GSAP: variants seen among roughly 807,000 people sequenced by gnomAD.
The protein encoded by GSAP is gamma-secretase-activating protein.
A neutral mutation model predicts 131.7 loss-of-function variants in GSAP; 118 were observed. That is an observed-to-expected ratio of 0.90 (90% confidence interval 0.77 to 1.04). The LOEUF (loss-of-function observed/expected upper bound fraction) is 1.04, where lower values mean the gene tolerates loss of function less well. Among genes scored for constraint, GSAP ranks in the 50% least tolerant of loss-of-function variants. The probability of loss-of-function intolerance (pLI) is 0.00; values close to 1 mark genes in which losing one functional copy is unlikely to be tolerated. For missense variants in GSAP, 1,019 were observed against 1,013.2 expected (o/e 1.01, Z -0.08); for synonymous variants, 381 against 363.4 (o/e 1.05, Z -0.55).
At chr7:77,366,616 C>A (rs1419466521) in intron 12 of GSAP, among the ~76,000 whole-genome samples, 1 of 152,192 alleles carries the variant, frequency 6.6e-6, no homozygotes, top group Admixed American at 6.5e-5. Flanking sequence ...CAGTACCATA[C>A]TGTTTTGGTT....
At chr7:77,378,730 T>G (rs565738696) in intron 8 of GSAP, among the ~76,000 whole-genome samples, 159 of 152,328 alleles carry the variant, frequency 1.0e-3, no homozygotes, top group African/African-American at 3.6e-3. Flanking sequence ...GGAATCCACG[T>G]CCTGGAATCC....
intron 14 of GSAP, among the ~76,000 whole-genome samples, chr7:77,357,391 CTGG>C (rs1308595656): frequency 1.3e-5 from 2 of 152,050 alleles, no homozygotes; most frequent in Non-Finnish European, 2.9e-5. Context: ...GGAGACTATC[CTGG>C]AATATCCAGG....
chr7:77,351,477 G>T, intron 18 of GSAP: 2 of 974,732 alleles, frequency 2.1e-6, no homozygotes, highest in Non-Finnish European at 2.4e-6. Flanking sequence ...TTGCATCACA[G>T]CTAATGATAA....
At chr7:77,367,941 T>C (rs1011354853) in intron 12 of GSAP, among the ~76,000 whole-genome samples, 3 of 152,222 alleles carry the variant, frequency 2.0e-5, no homozygotes, top group Non-Finnish European at 4.4e-5. Context: ...AGGCTGTTTG[T>C]GTCCAGGAAT....
chr7:77,373,355 C>G (rs1281233036), intron 12 of GSAP, among the ~76,000 whole-genome samples: 1 of 152,122 alleles, frequency 6.6e-6, no homozygotes, highest in African/African-American at 2.4e-5. Flanking sequence ...GGGTGAATAT[C>G]CCACAATAAT....
At chr7:77,394,756 C>A (rs1418482310) in intron 5 of GSAP, among the ~76,000 whole-genome samples, 1 of 152,176 alleles carries the variant, frequency 6.6e-6, no homozygotes, top group Admixed American at 6.5e-5. Context: ...AGCTCCTTGC[C>A]ACCATTGGTC....
intron 18 of GSAP, among the ~76,000 whole-genome samples, chr7:77,350,694 G>C (rs990700424): frequency 6.6e-6 from 1 of 152,028 alleles, no homozygotes; most frequent in African/African-American, 2.4e-5. Flanking sequence ...AGTGAGCTGA[G>C]ACTGCACCAT....
At chr7:77,346,128 G>A (rs1373457881) in intron 19 of GSAP, among the ~76,000 whole-genome samples, 2 of 151,364 alleles carry the variant, frequency 1.3e-5, no homozygotes, top group East Asian at 1.9e-4. Context: ...AAATTATCCG[G>A]GCATAGTGGT....
At chr7:77,393,650 CAT>C (rs1402047496) in intron 5 of GSAP, among the ~76,000 whole-genome samples, 1 of 150,416 alleles carries the variant, frequency 6.6e-6, no homozygotes. Flanking sequence ...GGCATGCATG[CAT>C]ATATATATAC....
At chr7:77,318,020 A>G (rs1787095342) in intron 26 of GSAP, among the ~76,000 whole-genome samples, 1 of 152,232 alleles carries the variant, frequency 6.6e-6, no homozygotes, top group Non-Finnish European at 1.5e-5. Flanking sequence ...CAGATGTGTC[A>G]TAAATGCAGA....
At chr7:77,335,540 G>A (rs1363780526) in intron 19 of GSAP, among the ~76,000 whole-genome samples, 1 of 152,002 alleles carries the variant, frequency 6.6e-6, no homozygotes, top group Non-Finnish European at 1.5e-5. Flanking sequence ...GCCAAACACA[G>A]CCCATCACAA....
upstream of GSAP, chr7:77,416,465 C>G: frequency 4.3e-6 from 2 of 470,164 alleles, no homozygotes; most frequent in Non-Finnish European, 7.4e-6. Context: ...CTGCAGCGCC[C>G]TGGCCTGAGA....
At position 77,381,252 on chromosome 7, in the gene GSAP, TTC is replaced by T; in HGVS notation, c.576+51_576+52del. 3.1e-6 allele frequency: 3 copies of T among 953,544 alleles called. No homozygotes were observed. In the South Asian group the frequency reaches 4.7e-5, roughly 15 times the overall value. The allele number at this position is 953,544 out of a possible 1,614,324, so 59.1% of individuals were successfully genotyped here. A position where few individuals can be genotyped will look rare whatever the true frequency, so the allele number is the denominator to read the frequency against. The stretch of plus-strand genomic sequence containing the variant: ...TATCTTTAGCAGTCTAGTAATGTAC[TTC>T]TTTGTGGGGAAAAAAAAACCTATGA... On this transcript the variant is annotated intron_variant, in intron 8 of 30. Coordinates refer to ENST00000257626, the MANE Select transcript of GSAP (RefSeq NM_017439.4).
At chr7:77,351,249 C>G in intron 18 of GSAP, 1 of 972,372 alleles carries the variant, frequency 1.0e-6, no homozygotes, top group Non-Finnish European at 1.2e-6. Context: ...AATTTCATTA[C>G]AGTTTTGGTT....
intron 4 of GSAP, 25 bp downstream of exon 4, chr7:77,397,321 A>G (rs1368084264): frequency 1.4e-6 from 2 of 1,425,012 alleles, no homozygotes; most frequent in East Asian, 4.5e-5. Flanking sequence ...AGTTCTTGAC[A>G]TGTAGCAATA....
At chr7:77,408,386 T>G (rs1802661854) in intron 1 of GSAP, among the ~76,000 whole-genome samples, 1 of 152,162 alleles carries the variant, frequency 6.6e-6, no homozygotes, top group African/African-American at 2.4e-5. Context: ...GTGTGTACTT[T>G]CCCAATTTCC....
intron 8 of GSAP, chr7:77,379,894 A>G (rs1370760126): frequency 6.1e-6 from 6 of 981,290 alleles, no homozygotes; most frequent in Non-Finnish European, 7.3e-6. Flanking sequence ...GAGGCTTTCA[A>G]TAGCTGATAC....
At chr7:77,375,872 A>C (rs1426403724) in intron 10 of GSAP, among the ~76,000 whole-genome samples, 1 of 151,742 alleles carries the variant, frequency 6.6e-6, no homozygotes, top group East Asian at 1.9e-4. Context: ...ACAAAAAAAC[A>C]ACCACCATAT....
chr7:77,353,449 T>G (rs533310766), intron 17 of GSAP, 123 bp downstream of exon 17: 14 of 608,270 alleles, frequency 2.3e-5, no homozygotes, highest in South Asian at 6.3e-5. Context: ...GTTTTGTTTT[T>G]TTTTTTTAAT....
Sources: allele counts gnomAD v4.1 joint callset (sites outside exome capture counted in the v4.1 genomes callset), GRCh38; gene constraint gnomAD v4.1.1; transcripts MANE v1.5; gene names NCBI Gene and HGNC (gene_info 2026-07-23, HGNC 2026-07-21).